The following PLXNC1 variants were observed in gnomAD, a reference collection of about 807,000 sequenced individuals.
PLXNC1 encodes plexin-C1.
Under a neutral mutation model 178.2 loss-of-function variants are expected in PLXNC1, and 75 were observed. That is an observed-to-expected ratio of 0.42 (90% confidence interval 0.35 to 0.51). The LOEUF (loss-of-function observed/expected upper bound fraction) is 0.51, where lower values mean the gene tolerates loss of function less well. PLXNC1 is among the 20% of genes least tolerant of loss of function. The pLI is 0.02. For synonymous variants in PLXNC1, 790 were observed against 779.9 expected (o/e 1.01, Z -0.22); for missense variants, 1,503 against 1,984.4 (o/e 0.76, Z 4.61).
chr12:94,163,486 G>T (rs1961469706), intron 1 of PLXNC1, among the ~76,000 whole-genome samples: 1 of 152,170 alleles, frequency 6.6e-6, no homozygotes, highest in Admixed American at 6.5e-5. Flanking sequence ...TAGCCATAGG[G>T]AGGAGAAGGA....
In PLXNC1 at chr12:94,260,819, C is replaced by A. The variant is rs1964972356; in HGVS notation, c.3429C>A (p.Val1143=). 1 of 1,614,064 alleles carries A rather than the reference C, an allele frequency of 6.2e-7. No individual in the cohort carries two copies. Among genetic ancestry groups the A allele is most frequent in the South Asian group, 1.1e-5 (1 of 91,086 alleles). Residue 1143 remains valine (V), a synonymous_variant, in exon 20 of 31, where the codon GTC becomes GTA. Coordinates refer to ENST00000258526, the MANE Select transcript of PLXNC1 (RefSeq NM_005761.3). The surrounding 1 kb of genome is among the most constrained non-coding windows in gnomAD (Gnocchi z 4.4). The stretch of plus-strand genomic sequence containing the variant: ...AACTCCTCACAAACTGGATGTCCGT[C>A]TGCCTTTCTGGATTTCTCCGGGTAA... ...VEKLLTNWMS[V]CLSGFLRETV...
intron 21 of PLXNC1, among the ~76,000 whole-genome samples, chr12:94,275,833 C>A (rs995114786): frequency 1.1e-4 from 7 of 66,482 alleles, no homozygotes; most frequent in South Asian, 4.0e-4. Flanking sequence ...CCAGCCTGGG[C>A]GACAGAGCGA....
intron 5 of PLXNC1, among the ~76,000 whole-genome samples, chr12:94,211,372 G>A (rs1280812237): frequency 1.3e-5 from 2 of 152,212 alleles, no homozygotes; most frequent in Non-Finnish European, 2.9e-5. Context: ...TTTTAATAGT[G>A]TTGATAAGCC....
intron 2 of PLXNC1, among the ~76,000 whole-genome samples, chr12:94,175,115 G>A (rs1046342050): frequency 1.3e-5 from 2 of 152,194 alleles, no homozygotes; most frequent in Non-Finnish European, 2.9e-5. Context: ...GTGTGTGCAC[G>A]CATGCACAGG....
At chr12:94,160,623 A>G (rs1315280085) in intron 1 of PLXNC1, among the ~76,000 whole-genome samples, 1 of 152,208 alleles carries the variant, frequency 6.6e-6, no homozygotes, top group African/African-American at 2.4e-5. Flanking sequence ...AGGGGGGAAT[A>G]GCCTAGAGCA....
chr12:94,177,271 C>A (rs1383530575), intron 2 of PLXNC1, among the ~76,000 whole-genome samples: 1 of 140,892 alleles, frequency 7.1e-6, no homozygotes, highest in Non-Finnish European at 1.5e-5. Flanking sequence ...ATATGAGGGG[C>A]TGCAGGGTCC....
At chr12:94,299,232 C>A (rs994723525) in intron 27 of PLXNC1, among the ~76,000 whole-genome samples, 5 of 152,182 alleles carry the variant, frequency 3.3e-5, no homozygotes, top group Non-Finnish European at 7.3e-5. Flanking sequence ...TACTCAGATA[C>A]TATGAGAATT....
At chr12:94,273,995 C>T (rs66482838) in intron 21 of PLXNC1, among the ~76,000 whole-genome samples, 8,933 of 151,636 alleles carry the variant, frequency 0.059, 305 homozygotes, top group Admixed American at 0.069. Flanking sequence ...TGGCTGCCAC[C>T]GCTCCAAGCG....
intron 12 of PLXNC1, among the ~76,000 whole-genome samples, chr12:94,246,946 G>A (rs1964545023): frequency 6.6e-6 from 1 of 152,068 alleles, no homozygotes; most frequent in Non-Finnish European, 1.5e-5. Context: ...TTCTTTTTAT[G>A]AGTTATAATT....
intron 4 of PLXNC1, among the ~76,000 whole-genome samples, chr12:94,187,192 G>GAA (rs3037610): frequency 0.39 from 58,151 of 148,218 alleles, 11,638 homozygotes; most frequent in East Asian, 0.58. Flanking sequence ...GAGAGAGAGA[G>GAA]AAAAAAAAAC....
At chr12:94,249,357 C>A (rs551477767) in intron 14 of PLXNC1, among the ~76,000 whole-genome samples, 2 of 152,266 alleles carry the variant, frequency 1.3e-5, no homozygotes, top group East Asian at 3.9e-4. Context: ...CTCAGTCACC[C>A]AAGTAGCTGG....
intron 23 of PLXNC1, among the ~76,000 whole-genome samples, chr12:94,291,764 C>T (rs193104193): frequency 2.1e-4 from 32 of 152,178 alleles, no homozygotes; most frequent in Admixed American, 2.0e-3. Context: ...TTGGACATTT[C>T]GTATATTCTT....
At chr12:94,187,192 G>GAAAAAAA (rs3037610) in intron 4 of PLXNC1, among the ~76,000 whole-genome samples, 1 of 148,586 alleles carries the variant, frequency 6.7e-6, no homozygotes. Flanking sequence ...GAGAGAGAGA[G>GAAAAAAA]AAAAAAAAAC....
In PLXNC1 at chr12:94,154,452, A is replaced by T. The variant is rs565254375; in HGVS notation, c.1062+4419A>T. On this transcript the variant is annotated intron_variant, in intron 1 of 30. Coordinates refer to ENST00000258526, the MANE Select transcript of PLXNC1 (RefSeq NM_005761.3). ...CTATGGGTCAAGTAGTGCTTATTCT[A>T]TACACATTAACTCATGAATCCAGAG... 2.6e-5 allele frequency among the ~76,000 whole-genome samples: 4 copies of T among 152,362 alleles called. No individual in the cohort carries two copies. The East Asian group carries it at 7.7e-4, about 29-fold the overall frequency.
At chr12:94,280,202 TA>T (rs1402528396) in intron 22 of PLXNC1, 1 of 215,302 alleles carries the variant, frequency 4.6e-6, no homozygotes, top group Non-Finnish European at 9.5e-6. Flanking sequence ...TCTACTGGTA[TA>T]CTGCAAAGGA....
Position 94,186,733 on chromosome 12 carries a change from G to C in PLXNC1, c.1439+260G>C, listed in dbSNP as rs553418259. 74 of 379,424 alleles carry C rather than the reference G, an allele frequency of 2.0e-4. No homozygotes were observed. The South Asian group carries it at 2.3e-3, about 12-fold the overall frequency. 23.5% of individuals were successfully genotyped at this position (379,424 alleles called of 1,614,324 possible). On this transcript the variant is annotated intron_variant, in intron 4 of 30. Transcript: ENST00000258526. ...GTGCAGCCTTCAGGAGAACGGGAGA[G>C]AGCAGGCAGGTTTGGCTTTTACTTT...
Position 94,254,856 on chromosome 12 carries a change from T to C in PLXNC1, c.2951T>C (p.Leu984Pro). ...AAACAGAGTCAACAACTAGAATTGCTGGAAAGCGAGCTCCGGAAAGAGATA... is the reference window on the plus strand; with the variant it reads ...AAACAGAGTCAACAACTAGAATTGCCGGAAAGCGAGCTCCGGAAAGAGATA... ...SRKQSQQLELLESELRKEIRD... is the reference protein window; with the variant it reads ...SRKQSQQLELPESELRKEIRD... The change falls in exon 16 of 31, where the codon CTG (leucine) becomes CCG (proline). Residue 984 changes from leucine (L) to proline (P), a missense_variant. Transcript: ENST00000258526. 6.2e-7 allele frequency: 1 copy of C among 1,612,112 alleles called. No homozygotes were observed. The highest frequency in any genetic ancestry group is 8.5e-7 in the Non-Finnish European group (1 of 1,179,512).
At chr12:94,150,493 A>C (rs1960917971) in intron 1 of PLXNC1, among the ~76,000 whole-genome samples, 1 of 152,106 alleles carries the variant, frequency 6.6e-6, no homozygotes, top group Non-Finnish European at 1.5e-5. Context: ...AAGCCATTGA[A>C]CCTAAAGGGC....
intron 21 of PLXNC1, chr12:94,277,789 A>G (rs832507): frequency 0.64 from 233,754 of 367,816 alleles, 74,722 homozygotes; most frequent in African/African-American, 0.7. Context: ...CGATACTATC[A>G]TCAAGCCTTT....
Sources: allele counts gnomAD v4.1 joint callset (sites outside exome capture counted in the v4.1 genomes callset), GRCh38; gene constraint gnomAD v4.1.1; non-coding constraint Gnocchi (gnomAD v3.1); transcripts MANE v1.5; gene names NCBI Gene and HGNC (gene_info 2026-07-23, HGNC 2026-07-21).